Variants in CADPS2 observed in about 807,000 individuals in gnomAD.
CADPS2 encodes calcium-dependent secretion activator 2.
CADPS2 carries 93 observed loss-of-function variants against 172.5 expected under a neutral mutation model. The ratio of observed to expected loss-of-function variants is 0.54; its 90% CI spans 0.46 to 0.64. The LOEUF (loss-of-function observed/expected upper bound fraction) is 0.64. Among genes scored for constraint, CADPS2 ranks in the 30% least tolerant of loss-of-function variants. The pLI is 0.00. For synonymous variants in CADPS2, 546 were observed against 555.2 expected (o/e 0.98, Z 0.23); for missense variants, 1,420 against 1,565.9 (o/e 0.91, Z 1.57).
intron 2 of CADPS2, among the ~76,000 whole-genome samples, chr7:122,703,849 T>C (rs1347827345): frequency 1.3e-5 from 2 of 152,054 alleles, no homozygotes; most frequent in African/African-American, 4.8e-5. Context: ...ATTTAGTAAC[T>C]GGAAGGACAG....
chr7:122,818,822 T>C (rs549620484), intron 1 of CADPS2, among the ~76,000 whole-genome samples: 4 of 152,286 alleles, frequency 2.6e-5, no homozygotes, highest in African/African-American at 9.6e-5. Context: ...TCAGACAGCA[T>C]TTAGGCACTT....
intron 2 of CADPS2, among the ~76,000 whole-genome samples, chr7:122,693,622 G>A (rs892368758): frequency 1.3e-5 from 2 of 152,126 alleles, no homozygotes; most frequent in Non-Finnish European, 2.9e-5. Context: ...ATTCCGATGT[G>A]CAGCCAAGGT....
chr7:122,372,828 A>T (rs980105609), intron 25 of CADPS2, among the ~76,000 whole-genome samples: 7 of 152,208 alleles, frequency 4.6e-5, no homozygotes, highest in African/African-American at 1.7e-4. Flanking sequence ...CCAGAGACGT[A>T]GAATCAGTTA....
intron 1 of CADPS2, among the ~76,000 whole-genome samples, chr7:122,817,914 C>A (rs1182051849): frequency 2.0e-5 from 3 of 150,386 alleles, no homozygotes; most frequent in African/African-American, 4.9e-5. Context: ...TGCCCCAATC[C>A]CTTATTTCCG....
intron 7 of CADPS2, among the ~76,000 whole-genome samples, chr7:122,558,478 T>C (rs2065308650): frequency 6.6e-6 from 1 of 152,178 alleles, no homozygotes; most frequent in Non-Finnish European, 1.5e-5. Flanking sequence ...TCACCAACAC[T>C]TTAAATGTCT....
chr7:122,834,754 G>C (rs532494222), intron 1 of CADPS2, among the ~76,000 whole-genome samples: 4 of 152,186 alleles, frequency 2.6e-5, no homozygotes, highest in Admixed American at 6.5e-5. Flanking sequence ...ACCTGCCATC[G>C]CTGAGGCTCG....
chr7:122,357,205 C>A (rs1317717425), intron 27 of CADPS2, among the ~76,000 whole-genome samples: 1 of 152,120 alleles, frequency 6.6e-6, no homozygotes, highest in Non-Finnish European at 1.5e-5. Flanking sequence ...CGGTGAGAAA[C>A]CTGGCTCCTA....
intron 28 of CADPS2, among the ~76,000 whole-genome samples, chr7:122,332,788 C>T (rs1195875291): frequency 1.3e-5 from 2 of 152,190 alleles, no homozygotes; most frequent in East Asian, 3.8e-4. Flanking sequence ...CAGTTCACTA[C>T]TACTTTCAAA....
At chr7:122,701,681 G>C in intron 2 of CADPS2, 2 of 468,830 alleles carry the variant, frequency 4.3e-6, no homozygotes, top group Non-Finnish European at 7.5e-6. Flanking sequence ...GCATGATAAG[G>C]AGTTTTATTT....
At chr7:122,675,921 C>T (rs550024246) in intron 2 of CADPS2, among the ~76,000 whole-genome samples, 255 of 152,128 alleles carry the variant, frequency 1.7e-3, no homozygotes, top group African/African-American at 5.8e-3. Flanking sequence ...CAAACCACCA[C>T]GGCACATGCA....
intron 2 of CADPS2, among the ~76,000 whole-genome samples, chr7:122,710,286 C>T (rs961752336): frequency 2.0e-5 from 3 of 151,914 alleles, no homozygotes; most frequent in Admixed American, 6.6e-5. Flanking sequence ...ATCACAAAAC[C>T]CTTTCTTATT....
chr7:122,574,041 G>A (rs1200253493), intron 7 of CADPS2, among the ~76,000 whole-genome samples: 3 of 152,036 alleles, frequency 2.0e-5, no homozygotes, highest in African/African-American at 7.2e-5. Flanking sequence ...TCTTTACTAT[G>A]TAAGTTTGTT....
intron 1 of CADPS2, among the ~76,000 whole-genome samples, chr7:122,876,970 T>C (rs547567382): frequency 6.6e-6 from 1 of 152,076 alleles, no homozygotes; most frequent in South Asian, 2.1e-4. Context: ...AGGTAAAATG[T>C]TTCTCAGTTA....
intron 28 of CADPS2, among the ~76,000 whole-genome samples, chr7:122,332,905 C>A (rs1431954459): frequency 1.3e-5 from 2 of 152,118 alleles, no homozygotes; most frequent in East Asian, 3.9e-4. Flanking sequence ...TAAGCAAGTG[C>A]CTCTGCAAGT....
At position 122,478,806 on chromosome 7, in the gene CADPS2, G is replaced by C. The variant is rs1028231518; in HGVS notation, c.1861+2046C>G. Among the ~76,000 whole-genome samples, 11 of 152,196 alleles carry C rather than the reference G, an allele frequency of 7.2e-5. 1 individual carries two copies. The South Asian group carries it at 1.2e-3, about 17-fold the overall frequency. On this transcript the variant is annotated intron_variant, in intron 12 of 29. Transcript: ENST00000449022. ...AATCCTAGGAAAGGCATCTAAGTCA[G>C]AGAGAATGTGAGATTGAAAAAAATT...
intron 1 of CADPS2, among the ~76,000 whole-genome samples, chr7:122,771,553 G>A (rs2093704059): frequency 6.6e-6 from 1 of 152,112 alleles, no homozygotes; most frequent in Admixed American, 6.6e-5. Flanking sequence ...AAAGTGGCAA[G>A]GAAATTAATT....
At chr7:122,461,845 C>T (rs112693462) in intron 14 of CADPS2, among the ~76,000 whole-genome samples, 4 of 151,998 alleles carry the variant, frequency 2.6e-5, no homozygotes, top group Non-Finnish European at 5.9e-5. Flanking sequence ...CCACCCGCCT[C>T]GGCCTCCCAG....
chr7:122,592,594 T>A (rs2071025093), intron 6 of CADPS2, among the ~76,000 whole-genome samples: 1 of 151,990 alleles, frequency 6.6e-6, no homozygotes, highest in African/African-American at 2.4e-5. Flanking sequence ...AACCCAAATG[T>A]CCATCAATGA....
chr7:122,835,876 CT>C (rs1299766292), intron 1 of CADPS2, among the ~76,000 whole-genome samples: 1 of 152,156 alleles, frequency 6.6e-6, no homozygotes, highest in African/African-American at 2.4e-5. Context: ...TCCGGGAGAA[CT>C]TCCCCAATCT....
Sources: gnomAD v4.1 joint callset for allele counts (sites outside exome capture counted in the v4.1 genomes callset) on GRCh38, gnomAD v4.1.1 for gene constraint, MANE v1.5 for transcripts, NCBI Gene and HGNC (gene_info 2026-07-23, HGNC 2026-07-21) for gene names.